TCF20: variants seen among roughly 807,000 people sequenced by gnomAD.
The protein encoded by TCF20 is SPRE-binding protein.
In TCF20, 3 loss-of-function variants were observed where a neutral mutation model predicts 148.6. The observed-to-expected ratio is 0.02, with a 90% confidence interval of 0.01 to 0.05. The LOEUF (loss-of-function observed/expected upper bound fraction) is 0.05. Ranked by LOEUF, TCF20 falls within the 10% of genes least tolerant of loss-of-function variation. The pLI is 1.00. For missense variants in TCF20, 2,350 were observed against 2,429.3 expected, an observed-to-expected ratio of 0.97 and a Z score of 0.69; for synonymous variants, 1,049 against 909.5, an observed-to-expected ratio of 1.15 and a Z score of -2.76.
At chr22:42,194,774 A>G (rs971994101) in intron 2 of TCF20, among the ~76,000 whole-genome samples, 3 of 151,864 alleles carry the variant, frequency 2.0e-5, no homozygotes, top group Admixed American at 6.6e-5. Context: ...TTCCCCTGCC[A>G]CTCACGCTTC....
intron 3 of TCF20, among the ~76,000 whole-genome samples, chr22:42,173,647 C>G (rs1936268785): frequency 6.6e-6 from 1 of 152,206 alleles, no homozygotes; most frequent in Non-Finnish European, 1.5e-5. Context: ...ACATCATACA[C>G]AGAGAGCAAT....
intron 1 of TCF20, among the ~76,000 whole-genome samples, chr22:42,222,025 A>T (rs936381440): frequency 3.9e-5 from 6 of 152,062 alleles, no homozygotes; most frequent in African/African-American, 1.4e-4. Context: ...GGCATGAGCC[A>T]CCGCGCCCGG....
At chr22:42,274,261 ACG>A (rs1443247910), upstream of TCF20, 3 of 152,600 alleles carry the variant, frequency 2.0e-5, no homozygotes, top group African/African-American at 4.8e-5. Context: ...TCCCCAAGCC[ACG>A]CACTGTCCCC....
At chr22:42,175,685 G>C (rs948083467) in intron 3 of TCF20, among the ~76,000 whole-genome samples, 17 of 152,140 alleles carry the variant, frequency 1.1e-4, no homozygotes, top group African/African-American at 3.9e-4. Flanking sequence ...CTGTACTACA[G>C]AATATGGCAG....
chr22:42,175,219 C>G (rs1407358002), intron 3 of TCF20, among the ~76,000 whole-genome samples: 1 of 152,134 alleles, frequency 6.6e-6, no homozygotes, highest in Non-Finnish European at 1.5e-5. Flanking sequence ...TTTGAACAGA[C>G]CTGTTCTTGC....
chr22:42,177,487 A>C (rs1291018847), intron 3 of TCF20, among the ~76,000 whole-genome samples: 2 of 152,218 alleles, frequency 1.3e-5, no homozygotes, highest in African/African-American at 2.4e-5. Context: ...TAACTGGGGA[A>C]AACACCCACT....
chr22:42,228,227 T>A (rs1923084403), intron 1 of TCF20, among the ~76,000 whole-genome samples: 1 of 152,162 alleles, frequency 6.6e-6, no homozygotes, highest in Non-Finnish European at 1.5e-5. Context: ...CATGGGTGAA[T>A]GTGGTGTTGA....
chr22:42,197,930 G>C (rs1294398584), intron 2 of TCF20, among the ~76,000 whole-genome samples: 1 of 152,166 alleles, frequency 6.6e-6, no homozygotes, highest in Non-Finnish European at 1.5e-5. Flanking sequence ...CTCATGCCTT[G>C]TTATGACCCT....
rs1045008358 is a variant in TCF20 at position 42,290,964 on chromosome 22, C to A, written c.-37+52515G>T. Among the ~76,000 whole-genome samples, 3 of 152,164 alleles carry A rather than the reference C, an allele frequency of 2.0e-5. No individual in the cohort carries two copies. Among genetic ancestry groups the A allele is most frequent in the African/African-American group, 7.2e-5 (3 of 41,436 alleles). ...AACCATGAGAGGCAGCTTGAAAATG[C>A]CCATTTACAAATAAGGAAACTGAGG... On this transcript the variant is annotated intron_variant, in intron 1 of 1. Transcript: ENST00000515426. This position sits in a 1 kb window ranked among gnomAD's most constrained non-coding sequence, Gnocchi z 4.2.
At chr22:42,263,480 C>G (rs992271046) in intron 1 of TCF20, among the ~76,000 whole-genome samples, 2 of 152,182 alleles carry the variant, frequency 1.3e-5, no homozygotes, top group African/African-American at 4.8e-5. Flanking sequence ...TGGAGGTAAG[C>G]TGCTGGAGCC....
rs66858906 is a variant in TCF20 at position 42,224,534 on chromosome 22, CAAAAAAAAAAAAAAA to C, written c.-36-9208_-36-9194del. ...TGGTTAGGTTAGGCTAAAGCTGGTA[CAAAAAAAAAAAAAAA>C]AAAAAAAAAAAAGCACCATAAATGA... On this transcript the variant is annotated intron_variant, in intron 1 of 5. Coordinates refer to ENST00000677622, the MANE Select transcript of TCF20 (RefSeq NM_001378418.1). 8.2e-3 allele frequency among the ~76,000 whole-genome samples: 323 copies of C among 39,606 alleles called. 4 individuals are homozygous for C. The highest frequency in any genetic ancestry group is 0.028 in the African/African-American group (293 of 10,400). 26.0% of individuals were successfully genotyped at this position (39,606 alleles called of 152,430 possible). A position where few individuals can be genotyped will look rare whatever the true frequency, so the allele number is the denominator to read the frequency against.
rs1433080184 is a variant in TCF20, at chr22:42,212,100, G to A, written c.3206C>T (p.Ala1069Val). The part of the protein sequence containing the change: ...LASAYHANTR[A>V]HAYGDPNAGL... ...TGCGTTAGGGTCCCCATAAGCATGA[G>A]CCCGAGTATTTGCATGATAAGCAGA... Residue 1069 changes from alanine (A) to valine (V), a missense_variant, in exon 2 of 6, where the codon GCT becomes GTT. Transcript: ENST00000677622. The A allele has an allele frequency of 1.9e-6, 3 of 1,614,150 alleles. No individual in the cohort carries two copies. The highest frequency in any genetic ancestry group is 2.2e-5 in the East Asian group (1 of 44,872).
rs186427591 is a variant in TCF20 at position 42,220,366 on chromosome 22, T to C, written c.-36-5025A>G. ...TAATTGGGACTATGGCTAATTTTTATAATTTCTTAAAAATAGAGACAGAGT... is the reference window on the plus strand; with the variant it reads ...TAATTGGGACTATGGCTAATTTTTACAATTTCTTAAAAATAGAGACAGAGT... On this transcript the variant is annotated intron_variant, in intron 1 of 5. Coordinates refer to ENST00000677622, the MANE Select transcript of TCF20 (RefSeq NM_001378418.1). 1.5e-3 allele frequency among the ~76,000 whole-genome samples: 226 copies of C among 152,304 alleles called. 1 individual carries two copies. Among genetic ancestry groups the C allele is most frequent in the Middle Eastern group, 0.014 (4 of 294 alleles).
chr22:42,175,984 C>T (rs1329823360), intron 3 of TCF20, among the ~76,000 whole-genome samples: 2 of 152,038 alleles, frequency 1.3e-5, no homozygotes, highest in East Asian at 1.9e-4. Context: ...TTTGTAGAGA[C>T]AGGGTTTCAC....
chr22:42,209,978 C>A lies in TCF20; in HGVS notation c.5328G>T (p.Glu1776Asp), dbSNP rs376915153. ...EEEEQQQQQK[E>D]QRSLAAHPRF... ...TGGGGTGTGCGGCCAGGCTTCTCTGCTCCTTCTGCTGCTGCTGCTGCTCTT... is the reference window on the plus strand; with the variant it reads ...TGGGGTGTGCGGCCAGGCTTCTCTGATCCTTCTGCTGCTGCTGCTGCTCTT... The change falls in exon 2 of 6, where the codon GAG (glutamate) becomes GAT (aspartate). Residue 1776 changes from glutamate to aspartate, a missense_variant. Physicochemically the swap from Glu to Asp is conservative, Grantham distance 45. This residue lies in a region of TCF20 where 374 missense variants were observed against 398.3 expected (regional missense o/e 0.94). Transcript: ENST00000677622. 3 of 1,613,430 alleles carry A rather than the reference C, an allele frequency of 1.9e-6. No homozygotes were observed. Among genetic ancestry groups the A allele is most frequent in the Non-Finnish European group, 2.5e-6 (3 of 1,180,036 alleles).
chr22:42,310,840 C>T lies in TCF20; in HGVS notation c.-37+32639G>A, dbSNP rs566591165. Among the ~76,000 whole-genome samples the T allele has an allele frequency of 2.0e-5, 3 of 152,326 alleles. No homozygotes were observed. In the South Asian group the frequency reaches 6.2e-4, roughly 32 times the overall value. On this transcript the variant is annotated intron_variant, in intron 1 of 1. Transcript: ENST00000515426. ...GGCCACTCTGAGAGCCCAGGAGGGC[C>T]CCGCAGAGCCTGGGCCGCCCGCCTG...
chr22:42,201,566 G>A (rs1193125893), intron 2 of TCF20, among the ~76,000 whole-genome samples: 2 of 152,104 alleles, frequency 1.3e-5, no homozygotes, highest in African/African-American at 4.8e-5. Context: ...TCAGGAGTTC[G>A]AGATCAGCCT....
chr22:42,321,990 A>G (rs1214145089), intron 1 of TCF20, among the ~76,000 whole-genome samples: 2 of 151,656 alleles, frequency 1.3e-5, no homozygotes, highest in Non-Finnish European at 3.0e-5. Flanking sequence ...AGGGAGACTA[A>G]CACCTACCTC....
intron 1 of TCF20, among the ~76,000 whole-genome samples, chr22:42,312,343 CT>C (rs1346334680): frequency 6.6e-5 from 10 of 152,166 alleles, no homozygotes; most frequent in Admixed American, 6.5e-4. Context: ...CCAGCAGCTG[CT>C]GAGAATGAGA....
Sources: allele counts gnomAD v4.1 joint callset (sites outside exome capture counted in the v4.1 genomes callset), GRCh38; gene constraint gnomAD v4.1.1; regional missense constraint gnomAD v4.1.1; non-coding constraint Gnocchi (gnomAD v3.1); transcripts MANE v1.5; gene names NCBI Gene and HGNC (gene_info 2026-07-23, HGNC 2026-07-21).